PLEKHH2: variants seen among roughly 807,000 people sequenced by gnomAD.
PLEKHH2 encodes the protein pleckstrin homology domain-containing family H member 2.
A neutral mutation model predicts 187.9 loss-of-function variants in PLEKHH2; 129 were observed. That is an observed-to-expected ratio of 0.69 (90% CI 0.59 to 0.79). The LOEUF (loss-of-function observed/expected upper bound fraction) is 0.79, where lower values mean the gene tolerates loss of function less well. Among genes scored for constraint, PLEKHH2 ranks in the 30% least tolerant of loss-of-function variants. PLEKHH2 has a pLI of 0.00. For synonymous variants in PLEKHH2, 686 were observed against 605.6 expected (o/e 1.13, Z -1.95); for missense variants, 2,076 against 1,751.2 (o/e 1.19, Z -3.31).
rs937676658 is a variant in PLEKHH2 at position 43,737,019 on chromosome 2, T to C, written c.2944-1322T>C. ...CACAGAGCTGGAAACAGTTTTCCCA[T>C]CTTCTAGAATGGAAAAATCTTTGAT... On this transcript the variant is annotated intron_variant, in intron 19 of 29. Coordinates refer to ENST00000282406, the MANE Select transcript of PLEKHH2 (RefSeq NM_172069.4). Among the ~76,000 whole-genome samples the C allele has an allele frequency of 1.8e-4, 27 of 152,092 alleles. 1 individual carries two copies. The highest frequency in any genetic ancestry group is 6.5e-4 in the African/African-American group (27 of 41,406).
chr2:43,704,927 T>C (rs1260062117), intron 9 of PLEKHH2, among the ~76,000 whole-genome samples: 1 of 152,170 alleles, frequency 6.6e-6, no homozygotes, highest in South Asian at 2.1e-4. Context: ...TTTTTTTACC[T>C]GAGAGAGACT....
chr2:43,681,286 G>A, intron 3 of PLEKHH2: 1 of 722,294 alleles, frequency 1.4e-6, no homozygotes, highest in Non-Finnish European at 2.3e-6. Context: ...TGCCATGCTG[G>A]CTGACTGTAA....
intron 2 of PLEKHH2, among the ~76,000 whole-genome samples, chr2:43,660,690 A>G (rs934843736): frequency 4.0e-5 from 5 of 125,360 alleles, no homozygotes; most frequent in African/African-American, 1.3e-4. Flanking sequence ...TCATTGTTCA[A>G]TTCCCACCTA....
At chr2:43,667,032 T>C (rs1667252593) in intron 2 of PLEKHH2, among the ~76,000 whole-genome samples, 1 of 152,194 alleles carries the variant, frequency 6.6e-6, no homozygotes, top group East Asian at 1.9e-4. Flanking sequence ...ATAAAGTCCA[T>C]TTTACCAATT....
chr2:43,720,574 G>A (rs1246779187), intron 15 of PLEKHH2, 95 bp from the exon 16 acceptor site: 1 of 1,551,516 alleles, frequency 6.4e-7, no homozygotes, highest in Non-Finnish European at 8.7e-7. Flanking sequence ...TGGGCAAACT[G>A]GATGCCTATA....
chr2:43,696,766 C>T (rs1347782977), intron 6 of PLEKHH2, among the ~76,000 whole-genome samples: 1 of 152,080 alleles, frequency 6.6e-6, no homozygotes, highest in Non-Finnish European at 1.5e-5. Flanking sequence ...GCAACCAGGA[C>T]CTCAGTTTCT....
At chr2:43,682,628 A>C (rs1302740241) in intron 3 of PLEKHH2, among the ~76,000 whole-genome samples, 1 of 152,058 alleles carries the variant, frequency 6.6e-6, no homozygotes, top group Non-Finnish European at 1.5e-5. Context: ...TTAAATGAAC[A>C]TTTCAGTGTT....
At chr2:43,713,117 C>T (rs566882333) in intron 15 of PLEKHH2, among the ~76,000 whole-genome samples, 14 of 152,136 alleles carry the variant, frequency 9.2e-5, no homozygotes, top group South Asian at 4.1e-4. Flanking sequence ...CACACACACA[C>T]GCATATATAT....
intron 16 of PLEKHH2, 108 bp downstream of exon 16, chr2:43,720,857 G>C: frequency 6.9e-7 from 1 of 1,458,880 alleles, no homozygotes; most frequent in African/African-American, 1.4e-5. Context: ...GAATCTTTAT[G>C]AGGTTGAAAT....
Position 43,695,179 on chromosome 2 carries a change from CA to C in PLEKHH2, c.461del (p.Asn154ThrfsTer6). The C allele has an allele frequency of 6.3e-7, 1 of 1,599,496 alleles. No individual in the cohort carries two copies. Among genetic ancestry groups the C allele is most frequent in the South Asian group, 1.1e-5 (1 of 88,274 alleles). On this transcript the variant is annotated frameshift_variant, in exon 6 of 30. Coordinates refer to ENST00000282406, the MANE Select transcript of PLEKHH2 (RefSeq NM_172069.4). LOFTEE classifies it high-confidence loss of function. ...GAATCAGAATCTTCGTTTGATCAAC[CA>C]AAACCAAACTGAAGAGATAAGAACA... The part of the protein sequence containing the change: ...LENQNLRLIN[Q>X]NQTEEIRTMQ...
chr2:43,675,487 G>T, intron 2 of PLEKHH2: 1 of 1,613,924 alleles, frequency 6.2e-7, no homozygotes, highest in South Asian at 1.1e-5. Flanking sequence ...CTTTTGGGGG[G>T]TCAGTCCATT....
chr2:43,670,508 T>C (rs759770483), intron 2 of PLEKHH2, among the ~76,000 whole-genome samples: 1 of 152,222 alleles, frequency 6.6e-6, no homozygotes, highest in Non-Finnish European at 1.5e-5. Flanking sequence ...AAAGTATATT[T>C]CTGAACCCTA....
chr2:43,666,883 T>C (rs1411915056), intron 2 of PLEKHH2, among the ~76,000 whole-genome samples: 1 of 152,210 alleles, frequency 6.6e-6, no homozygotes, highest in Non-Finnish European at 1.5e-5. Flanking sequence ...CACTAATTTT[T>C]CTAGTATCTC....
intron 10 of PLEKHH2, 142 bp from the exon 11 acceptor site, chr2:43,707,259 A>G: frequency 1.2e-6 from 1 of 813,184 alleles, no homozygotes; most frequent in Non-Finnish European, 1.9e-6. Flanking sequence ...CTGTTATCTA[A>G]AAAGAGTGAT....
intron 7 of PLEKHH2, 25 bp downstream of exon 7, chr2:43,697,381 CTT>C: frequency 6.5e-7 from 1 of 1,548,902 alleles, no homozygotes; most frequent in Non-Finnish European, 8.7e-7. Context: ...CAGGAATTGA[CTT>C]TGGCATTTTT....
At chr2:43,700,676 G>A in intron 8 of PLEKHH2, 68 bp downstream of exon 8, 1 of 1,513,140 alleles carries the variant, frequency 6.6e-7, no homozygotes, top group Non-Finnish European at 8.9e-7. Context: ...TTTCTGGGAG[G>A]GAGTCTCGCT....
chr2:43,758,737 G>A (rs547718651), intron 26 of PLEKHH2, among the ~76,000 whole-genome samples, 163 bp from the exon 27 acceptor site: 61 of 152,310 alleles, frequency 4.0e-4, no homozygotes, highest in African/African-American at 1.4e-3. Flanking sequence ...GACAAGTGAT[G>A]GACAGTGGTG....
intron 25 of PLEKHH2, among the ~76,000 whole-genome samples, chr2:43,754,474 C>T (rs1190096603): frequency 6.6e-6 from 1 of 152,190 alleles, no homozygotes; most frequent in East Asian, 1.9e-4. Flanking sequence ...TAGAACGCCT[C>T]CATTCATGTC....
chr2:43,673,602 A>G (rs1273070211), intron 2 of PLEKHH2, among the ~76,000 whole-genome samples: 2 of 152,218 alleles, frequency 1.3e-5, no homozygotes, highest in African/African-American at 2.4e-5. Flanking sequence ...ACACATATAT[A>G]TGGTAGAAAT....
Sources: gnomAD v4.1 joint callset for allele counts (sites outside exome capture counted in the v4.1 genomes callset) on GRCh38, gnomAD v4.1.1 for gene constraint, MANE v1.5 for transcripts, NCBI Gene and HGNC (gene_info 2026-07-23, HGNC 2026-07-21) for gene names.